GDPD1: variants seen among roughly 807,000 people sequenced by gnomAD.
The protein encoded by GDPD1 is glycerophosphodiester phosphodiesterase domain containing 1.
Under a neutral mutation model 45.1 loss-of-function variants are expected in GDPD1, and 28 were observed. The ratio of observed to expected loss-of-function variants is 0.62; its 90% CI spans 0.46 to 0.85. The LOEUF (loss-of-function observed/expected upper bound fraction) is 0.85. GDPD1 is among the 40% of genes least tolerant of loss of function. GDPD1 has a pLI of 0.00. For synonymous variants in GDPD1, 139 were observed against 131.4 expected (o/e 1.06, Z -0.40); for missense variants, 256 against 364.8 (o/e 0.70, Z 2.43).
chr17:59,227,953 T>G (rs2047059910), intron 1 of GDPD1, among the ~76,000 whole-genome samples: 1 of 152,130 alleles, frequency 6.6e-6, no homozygotes, highest in Non-Finnish European at 1.5e-5. Flanking sequence ...GAGGATTGCT[T>G]GAGCTCAGGA....
chr17:59,223,640 G>A (rs544674990), intron 1 of GDPD1, among the ~76,000 whole-genome samples: 4 of 152,302 alleles, frequency 2.6e-5, no homozygotes, highest in African/African-American at 9.6e-5. Flanking sequence ...TAAGGAAACA[G>A]TGATATTTCT....
rs753589769 is a variant in GDPD1, at chr17:59,245,417, G to A, written c.189G>A (p.Ala63=). 34 of 1,608,420 alleles carry A rather than the reference G, an allele frequency of 2.1e-5. No homozygotes were observed. Among genetic ancestry groups the A allele is most frequent in the East Asian group, 1.6e-4 (7 of 44,754 alleles). Reference sequence around the variant, plus strand: ...CATTCTTCTTTTATTTCTTCAGTGCGGTTAAAATCGGAACTGATATGCTAG... The same window carrying A: ...CATTCTTCTTTTATTTCTTCAGTGCAGTTAAAATCGGAACTGATATGCTAG... ...LENTMAAFQH[A]VKIGTDMLEL... The change falls in exon 3 of 10, where the codon GCG becomes GCA. Residue 63 remains alanine, a synonymous_variant. Coordinates refer to ENST00000284116, the MANE Select transcript of GDPD1 (RefSeq NM_182569.4).
At chr17:59,230,163 G>T (rs1485887152) in intron 1 of GDPD1, among the ~76,000 whole-genome samples, 1 of 152,016 alleles carries the variant, frequency 6.6e-6, no homozygotes. Context: ...AGAGGATATG[G>T]TATTAGAATG....
Position 59,255,848 on chromosome 17 carries a change from T to TAC in GDPD1, c.368-1273_368-1272insCA, listed in dbSNP as rs1405128182. Among the ~76,000 whole-genome samples, 314 of 84,620 alleles carry TAC rather than the reference T, an allele frequency of 3.7e-3. 10 individuals are homozygous for TAC. Among genetic ancestry groups the TAC allele is most frequent in the African/African-American group, 7.4e-3 (116 of 15,754 alleles). 55.5% of individuals were successfully genotyped at this position (84,620 alleles called of 152,430 possible). ...ATATACGCGTATATATATATATATA[T>TAC]ATACACACGTATATATATATATATA... On this transcript the variant is annotated intron_variant, in intron 4 of 9. Transcript: ENST00000284116.
intron 8 of GDPD1, among the ~76,000 whole-genome samples, chr17:59,271,553 A>G (rs1295701017): frequency 2.6e-5 from 4 of 152,070 alleles, no homozygotes; most frequent in African/African-American, 9.7e-5. Context: ...TGAATGCTTA[A>G]ATATTTTAAT....
intron 7 of GDPD1, among the ~76,000 whole-genome samples, chr17:59,270,510 T>C (rs1472397756): frequency 6.6e-6 from 1 of 151,998 alleles, no homozygotes; most frequent in Admixed American, 6.6e-5. Context: ...ACAGATATTT[T>C]AAAGGAAAGG....
chr17:59,262,961 A>T (rs574626077), intron 6 of GDPD1, among the ~76,000 whole-genome samples: 16 of 152,248 alleles, frequency 1.1e-4, no homozygotes, highest in African/African-American at 3.6e-4. Context: ...TAGTGGTTAC[A>T]TGAATCTATA....
chr17:59,257,471 A>G (rs1431368235), intron 5 of GDPD1, among the ~76,000 whole-genome samples: 1 of 152,208 alleles, frequency 6.6e-6, no homozygotes, highest in Non-Finnish European at 1.5e-5. Context: ...TGAACCAATC[A>G]TTCTGGCATT....
At chr17:59,255,789 G>GTATA (rs1335908709) in intron 4 of GDPD1, among the ~76,000 whole-genome samples, 3 of 38,844 alleles carry the variant, frequency 7.7e-5, no homozygotes, top group Non-Finnish European at 1.2e-4. Flanking sequence ...ATATATACGC[G>GTATA]TATATATGTA....
In GDPD1 at chr17:59,224,662, C is replaced by T. The variant is rs148944509; in HGVS notation, c.142+3911C>T. Reference sequence around the variant, plus strand: ...AAACAAAAAACAAAAACAAAAAAAACTACGACTTGTTGAGCCGGGTGTGAT... The same window carrying T: ...AAACAAAAAACAAAAACAAAAAAAATTACGACTTGTTGAGCCGGGTGTGAT... On this transcript the variant is annotated intron_variant, in intron 1 of 9. Transcript: ENST00000284116. Among the ~76,000 whole-genome samples the T allele has an allele frequency of 8.2e-3, 1,236 of 150,136 alleles. 12 individuals carry two copies. The highest frequency in any genetic ancestry group is 0.014 in the South Asian group (68 of 4,726).
chr17:59,259,293 C>T (rs1240898338), intron 6 of GDPD1, among the ~76,000 whole-genome samples: 6 of 151,684 alleles, frequency 4.0e-5, no homozygotes, highest in Non-Finnish European at 7.4e-5. Flanking sequence ...AGAGGCCGGG[C>T]GCGGTGGCTC....
chr17:59,220,859 TG>T, intron 1 of GDPD1, 108 bp downstream of exon 1: 2 of 1,254,874 alleles, frequency 1.6e-6, no homozygotes, highest in Non-Finnish European at 1.1e-6. Context: ...TGAGGAAGAA[TG>T]GGGTTGTGTG....
intron 1 of GDPD1, among the ~76,000 whole-genome samples, chr17:59,221,326 G>A (rs565272802): frequency 6.6e-6 from 1 of 152,102 alleles, no homozygotes. Flanking sequence ...AGTCCCCCGA[G>A]CCAGGGACAT....
At chr17:59,251,991 C>CAAAAAAAAAAAA (rs34224346) in intron 4 of GDPD1, among the ~76,000 whole-genome samples, 2 of 60,916 alleles carry the variant, frequency 3.3e-5, no homozygotes, top group African/African-American at 6.1e-5. Context: ...GACTCAGTCT[C>CAAAAAAAAAAAA]AAAAAAAAAA....
intron 4 of GDPD1, among the ~76,000 whole-genome samples, chr17:59,254,521 C>A (rs1210178291): frequency 2.6e-5 from 4 of 151,982 alleles, no homozygotes; most frequent in Non-Finnish European, 5.9e-5. Flanking sequence ...CAGATTGAGA[C>A]CCTGTCTCAA....
chr17:59,225,898 T>C lies in GDPD1; in HGVS notation c.142+5147T>C, dbSNP rs936644585. On this transcript the variant is annotated intron_variant, in intron 1 of 9. Transcript: ENST00000284116. ...CACCATGCCCGGCTAATTTTTGTAC[T>C]TTTAGTAGAGATGGGGTTCACCATG... is the stretch of plus-strand genomic sequence containing the variant. Among the ~76,000 whole-genome samples, 4 of 151,798 alleles carry C rather than the reference T, an allele frequency of 2.6e-5. No homozygotes were observed. The East Asian group carries it at 5.8e-4, about 22-fold the overall frequency.
chr17:59,264,887 C>G (rs2047386509), intron 6 of GDPD1, among the ~76,000 whole-genome samples: 1 of 151,970 alleles, frequency 6.6e-6, no homozygotes, highest in South Asian at 2.1e-4. Flanking sequence ...GTCACCTAGG[C>G]TGTAGTGCAG....
chr17:59,245,292 T>C lies in GDPD1; in HGVS notation c.186-122T>C, dbSNP rs2047201838. 1.8e-5 allele frequency: 12 copies of C among 666,434 alleles called. No individual in the cohort carries two copies. The East Asian group carries it at 3.2e-4, about 18-fold the overall frequency. The allele number at this position is 666,434 out of a possible 1,614,324, so 41.3% of individuals were successfully genotyped here. ...ATTAATAAGTCATACTAAGTGATGG[T>C]ATTAAGGAGATATTTTAGTATTATG... On this transcript the variant is annotated intron_variant, in intron 2 of 9. Transcript: ENST00000284116.
intron 1 of GDPD1, among the ~76,000 whole-genome samples, chr17:59,223,764 T>C (rs2047023924): frequency 6.6e-6 from 1 of 152,206 alleles, no homozygotes; most frequent in African/African-American, 2.4e-5. Context: ...TAGAATATTA[T>C]GTCTACTGCA....
Sources: allele counts gnomAD v4.1 joint callset (sites outside exome capture counted in the v4.1 genomes callset), GRCh38; gene constraint gnomAD v4.1.1; transcripts MANE v1.5; gene names NCBI Gene and HGNC (gene_info 2026-07-23, HGNC 2026-07-21).